ARHGAP8: variants seen among roughly 807,000 people sequenced by gnomAD.
ARHGAP8 encodes rho GTPase-activating protein 8.
Under a neutral mutation model 46.1 loss-of-function variants are expected in ARHGAP8, and 62 were observed. That is an observed-to-expected ratio of 1.34 (90% CI 1.10 to 1.66). ARHGAP8 has a LOEUF of 1.66. ARHGAP8 is among the 40% of genes most tolerant of loss of function. The pLI is 0.00. For synonymous variants in ARHGAP8, 375 were observed against 243.1 expected, an observed-to-expected ratio of 1.54 and a Z score of -5.05; for missense variants, 923 against 568.4, an observed-to-expected ratio of 1.62 and a Z score of -6.34.
At chr22:44,845,490 C>A (rs762584319) in intron 8 of ARHGAP8, 148 bp downstream of exon 8, 2 of 1,088,952 alleles carry the variant, frequency 1.8e-6, no homozygotes, top group Admixed American at 2.5e-5. Context: ...GGTCTGGGCT[C>A]TGGCCTCGGA....
At chr22:44,805,584 T>C (rs1057250684) in intron 3 of ARHGAP8, among the ~76,000 whole-genome samples, 1 of 152,206 alleles carries the variant, frequency 6.6e-6, no homozygotes, top group Non-Finnish European at 1.5e-5. Context: ...TGAACAGTTG[T>C]ATAGGTTGTT....
At chr22:44,815,314 G>A (rs2147104190) in intron 5 of ARHGAP8, among the ~76,000 whole-genome samples, 1 of 152,268 alleles carries the variant, frequency 6.6e-6, no homozygotes, top group African/African-American at 2.4e-5. Context: ...TTTGTTGCGG[G>A]TCAGTCATGT....
chr22:44,847,360 T>A (rs1569177754), intron 8 of ARHGAP8, among the ~76,000 whole-genome samples: 1 of 152,244 alleles, frequency 6.6e-6, no homozygotes, highest in Non-Finnish European at 1.5e-5. Flanking sequence ...ATTGCCCAAC[T>A]GAACTTGGAC....
At chr22:44,793,565 C>T (rs537194072) in intron 2 of ARHGAP8, among the ~76,000 whole-genome samples, 4 of 152,274 alleles carry the variant, frequency 2.6e-5, no homozygotes, top group African/African-American at 7.2e-5. Flanking sequence ...GACTCCCTCC[C>T]GATAGATTGC....
chr22:44,809,540 C>A, intron 4 of ARHGAP8: 1 of 251,934 alleles, frequency 4.0e-6, no homozygotes, highest in South Asian at 4.4e-5. Context: ...AGGACATAGG[C>A]CCCAGGGAGC....
At chr22:44,832,222 A>ATTTT (rs373759458) in intron 7 of ARHGAP8, among the ~76,000 whole-genome samples, 4 of 106,516 alleles carry the variant, frequency 3.8e-5, no homozygotes, top group South Asian at 3.1e-4. Flanking sequence ...TGTCAATGTA[A>ATTTT]TTTTTTTTTT....
chr22:44,790,910 T>G (rs2147057940), intron 2 of ARHGAP8, among the ~76,000 whole-genome samples: 1 of 151,888 alleles, frequency 6.6e-6, no homozygotes, highest in Non-Finnish European at 1.5e-5. Flanking sequence ...TTTTTTGTAT[T>G]TTAGTAGAGA....
At chr22:44,848,841 A>G in intron 9 of ARHGAP8, 91 bp from the exon 10 acceptor site, 1 of 1,576,934 alleles carries the variant, frequency 6.3e-7, no homozygotes, top group Non-Finnish European at 8.6e-7. Flanking sequence ...TCCCATCCGG[A>G]CATCTCACGC....
chr22:44,859,214 C>A (rs535091561), intron 10 of ARHGAP8, among the ~76,000 whole-genome samples: 15 of 152,052 alleles, frequency 9.9e-5, no homozygotes, highest in Non-Finnish European at 1.9e-4. Flanking sequence ...GTCCCCAGCG[C>A]GTCTCATGTT....
chr22:44,796,402 G>A (rs1298965227), intron 2 of ARHGAP8, among the ~76,000 whole-genome samples: 2 of 151,600 alleles, frequency 1.3e-5, no homozygotes, highest in Non-Finnish European at 2.9e-5. Context: ...GCTGGCCCTC[G>A]TCCCCAGTTC....
rs1416031271 is a variant in ARHGAP8, at chr22:44,862,491, A to C, written c.1198A>C (p.Arg400=). The change falls in exon 12 of 12, where the codon AGG becomes CGG. Residue 400 remains arginine (R), a synonymous_variant. Coordinates refer to ENST00000356099, the MANE Select transcript of ARHGAP8 (RefSeq NM_181335.3). ...HGLAPWEQGS[R]AAPLQEAVPR... The stretch of plus-strand genomic sequence containing the variant: ...CCTGGCACCATGGGAACAGGGGAGC[A>C]GGGCAGCCCCTTTGCAGGAGGCTGT... 3 of 1,613,562 alleles carry C rather than the reference A, an allele frequency of 1.9e-6. No homozygotes were observed. The highest frequency in any genetic ancestry group is 2.2e-5 in the East Asian group (1 of 44,878).
Position 44,810,236 on chromosome 22 carries a change from C to CTTTTT in ARHGAP8, c.299+1817_299+1821dup, listed in dbSNP as rs58029838. Reference sequence around the variant, plus strand: ...TGGGAAAGGATCTGCATATGGCAGCCTTTTTTTTTTTTTTTTTTTTTTTGA... The same window carrying CTTTTT: ...TGGGAAAGGATCTGCATATGGCAGCCTTTTTTTTTTTTTTTTTTTTTTTTTTTTGA... On this transcript the variant is annotated intron_variant, in intron 4 of 11. Transcript: ENST00000356099. 1.9e-4 allele frequency among the ~76,000 whole-genome samples: 19 copies of CTTTTT among 98,876 alleles called. 1 individual carries two copies. Among genetic ancestry groups the CTTTTT allele is most frequent in the African/African-American group, 4.1e-4 (10 of 24,678 alleles). The allele number at this position is 98,876 out of a possible 152,430, so 64.9% of individuals were successfully genotyped here.
In ARHGAP8 at chr22:44,786,453, G is replaced by T. The variant is rs552312500; in HGVS notation, c.-71-4G>T. ...CTGACTTCCTTTAATCTTCTTTGCC[G>T]CAGAGCTGCAGAGAGACAAGGCGGC... On this transcript the variant is annotated splice_region_variant and splice_polypyrimidine_tract_variant and intron_variant, in intron 1 of 11. Transcript: ENST00000356099. The T allele has an allele frequency of 7.0e-5, 112 of 1,591,488 alleles. No homozygotes were observed. The East Asian group carries it at 2.1e-3, about 29-fold the overall frequency.
At chr22:44,840,949 C>G (rs1931611916) in intron 7 of ARHGAP8, among the ~76,000 whole-genome samples, 1 of 152,350 alleles carries the variant, frequency 6.6e-6, no homozygotes, top group East Asian at 1.9e-4. Context: ...AAGCGCCTCA[C>G]TGAGTACCTG....
At chr22:44,776,951 T>C (rs1269427432) in intron 1 of ARHGAP8, among the ~76,000 whole-genome samples, 1 of 152,046 alleles carries the variant, frequency 6.6e-6, no homozygotes, top group East Asian at 1.9e-4. Context: ...GCTTGGGACA[T>C]GTCCCAAGCA....
chr22:44,824,281 G>A (rs1036431966), intron 6 of ARHGAP8, among the ~76,000 whole-genome samples: 4 of 152,228 alleles, frequency 2.6e-5, no homozygotes, highest in African/African-American at 9.6e-5. Context: ...GAGGGACCGA[G>A]ACATCTCTGG....
rs78374689 is a variant in ARHGAP8 at position 44,797,802 on chromosome 22, G to A, written c.80-4275G>A. 7.9e-3 allele frequency among the ~76,000 whole-genome samples: 1,194 copies of A among 151,930 alleles called. 20 individuals are homozygous for A. The highest frequency in any genetic ancestry group is 0.028 in the African/African-American group (1,138 of 41,260). On this transcript the variant is annotated intron_variant, in intron 2 of 11. Coordinates refer to ENST00000356099, the MANE Select transcript of ARHGAP8 (RefSeq NM_181335.3). ...TGTGCATGTGAGTACGTGTGTGCAC[G>A]CAAGTGTGTAATTTTTTTTTCAAGA...
At chr22:44,756,082 C>G (rs1242977607) in intron 1 of ARHGAP8, among the ~76,000 whole-genome samples, 1 of 111,638 alleles carries the variant, frequency 9.0e-6, no homozygotes, top group African/African-American at 3.1e-5. Context: ...CCTGCTCCTT[C>G]CACGCTGAAG....
At position 44,814,748 on chromosome 22, in the gene ARHGAP8, C is replaced by T. The variant is rs1929612014; in HGVS notation, c.376C>T (p.Pro126Ser). 1.9e-6 allele frequency: 3 copies of T among 1,613,848 alleles called. No homozygotes were observed. The highest frequency in any genetic ancestry group is 8.5e-7 in the Non-Finnish European group (1 of 1,179,936). ...FIKVLWNILKPLISHKFGKKV... is the reference protein window; with the variant it reads ...FIKVLWNILKSLISHKFGKKV... The stretch of plus-strand genomic sequence containing the variant: ...CAAGGTCCTGTGGAACATCTTGAAG[C>T]CCCTCATCAGGTATGCGTCACTCTG... Residue 126 changes from proline (P) to serine (S), a missense_variant, in exon 5 of 12, where the codon CCC (proline) becomes TCC (serine). Physicochemically the swap from Pro to Ser is moderately conservative, Grantham distance 74. Transcript: ENST00000356099.
Sources: allele counts gnomAD v4.1 joint callset (sites outside exome capture counted in the v4.1 genomes callset), GRCh38; gene constraint gnomAD v4.1.1; transcripts MANE v1.5; gene names NCBI Gene and HGNC (gene_info 2026-07-23, HGNC 2026-07-21).